MYRIP: variants seen among roughly 807,000 people sequenced by gnomAD.
MYRIP encodes the protein myosin VIIA and Rab interacting protein, also known as rab effector MyRIP.
A neutral mutation model predicts 98.0 loss-of-function variants in MYRIP; 49 were observed. The ratio of observed to expected loss-of-function variants is 0.50; its 90% CI spans 0.40 to 0.63. The LOEUF is 0.63. Among genes scored for constraint, MYRIP ranks in the 30% least tolerant of loss-of-function variants. The probability of loss-of-function intolerance (pLI) is 0.00; values close to 1 mark genes in which losing one functional copy is unlikely to be tolerated. For missense variants in MYRIP, 1,004 were observed against 1,058.2 expected, an observed-to-expected ratio of 0.95 and a Z score of 0.71; for synonymous variants, 404 against 409.5, an observed-to-expected ratio of 0.99 and a Z score of 0.16.
At chr3:40,055,500 A>C (rs904138230) in intron 3 of MYRIP, among the ~76,000 whole-genome samples, 1 of 152,176 alleles carries the variant, frequency 6.6e-6, no homozygotes, top group Non-Finnish European at 1.5e-5. Context: ...ACAGTTGAAC[A>C]GCTTGTCATG....
intron 3 of MYRIP, among the ~76,000 whole-genome samples, chr3:40,080,344 A>G (rs1398168955): frequency 6.6e-6 from 1 of 152,112 alleles, no homozygotes; most frequent in East Asian, 1.9e-4. Context: ...ACCTATGTTC[A>G]CAGGTGAGAT....
At chr3:40,023,608 A>C (rs1240000911) in intron 2 of MYRIP, among the ~76,000 whole-genome samples, 2 of 152,128 alleles carry the variant, frequency 1.3e-5, no homozygotes, top group African/African-American at 4.8e-5. Context: ...TGGAATGTAA[A>C]GCCGAAAAAT....
At chr3:40,081,906 G>A (rs1369879217) in intron 3 of MYRIP, among the ~76,000 whole-genome samples, 1 of 152,134 alleles carries the variant, frequency 6.6e-6, no homozygotes, top group Non-Finnish European at 1.5e-5. Flanking sequence ...TTCCACGTAT[G>A]AGCAAGATCA....
chr3:40,132,719 G>A (rs1559414059), intron 3 of MYRIP, among the ~76,000 whole-genome samples: 1 of 152,248 alleles, frequency 6.6e-6, no homozygotes, highest in Non-Finnish European at 1.5e-5. Context: ...CACCCAGAGG[G>A]TTGCCCCTTT....
chr3:39,848,991 A>G (rs1942050108), intron 1 of MYRIP, among the ~76,000 whole-genome samples: 1 of 152,240 alleles, frequency 6.6e-6, no homozygotes, highest in Non-Finnish European at 1.5e-5. Flanking sequence ...TTTTGAAAGA[A>G]GGGAATTAAT....
intron 3 of MYRIP, among the ~76,000 whole-genome samples, chr3:40,123,444 G>A (rs1437563788): frequency 6.6e-6 from 1 of 152,190 alleles, no homozygotes; most frequent in Non-Finnish European, 1.5e-5. Flanking sequence ...AGCAACTGGA[G>A]CCCGCCAGCC....
At chr3:40,117,911 A>G (rs967327931) in intron 3 of MYRIP, among the ~76,000 whole-genome samples, 9 of 152,232 alleles carry the variant, frequency 5.9e-5, no homozygotes, top group African/African-American at 2.2e-4. Context: ...TCTCTACAGC[A>G]CAAAAATCAC....
chr3:40,181,691 T>C (rs1256268999), intron 8 of MYRIP, among the ~76,000 whole-genome samples: 1 of 152,226 alleles, frequency 6.6e-6, no homozygotes, highest in African/African-American at 2.4e-5. Flanking sequence ...ATATCTATAA[T>C]GCAATTCAAG....
At chr3:40,017,095 A>T (rs1342455000) in intron 2 of MYRIP, among the ~76,000 whole-genome samples, 1 of 152,252 alleles carries the variant, frequency 6.6e-6, no homozygotes, top group African/African-American at 2.4e-5. Flanking sequence ...AAAGCCACTT[A>T]ACAAAATATT....
chr3:39,967,844 G>A (rs975318636), intron 2 of MYRIP, among the ~76,000 whole-genome samples: 1 of 152,136 alleles, frequency 6.6e-6, no homozygotes, highest in Non-Finnish European at 1.5e-5. Context: ...GTGATAGTGA[G>A]CTTTTTATCA....
At chr3:39,946,351 C>T (rs1355185887) in intron 2 of MYRIP, among the ~76,000 whole-genome samples, 1 of 152,110 alleles carries the variant, frequency 6.6e-6, no homozygotes, top group Non-Finnish European at 1.5e-5. Context: ...AACCCTCTAA[C>T]CTGGTGTATG....
chr3:40,036,250 T>G (rs1414921772), intron 2 of MYRIP, among the ~76,000 whole-genome samples: 1 of 133,750 alleles, frequency 7.5e-6, no homozygotes, highest in Non-Finnish European at 1.6e-5. Flanking sequence ...AGTTAGAGTC[T>G]TCTACAAAGG....
chr3:40,182,500 G>C (rs1455424516), intron 9 of MYRIP, 127 bp downstream of exon 9: 1 of 1,097,908 alleles, frequency 9.1e-7, no homozygotes, highest in African/African-American at 1.6e-5. Flanking sequence ...GTCCCTCTGG[G>C]CTACCAAGTC....
At chr3:40,162,921 A>G in intron 5 of MYRIP, 111 bp downstream of exon 5, 3 of 922,828 alleles carry the variant, frequency 3.3e-6, no homozygotes, top group South Asian at 1.5e-5. Context: ...AGATGCAACT[A>G]TCTACTACTG....
At chr3:40,151,414 A>C (rs977424557) in intron 4 of MYRIP, among the ~76,000 whole-genome samples, 1 of 152,252 alleles carries the variant, frequency 6.6e-6, no homozygotes, top group East Asian at 1.9e-4. Flanking sequence ...GTTAGAAGCT[A>C]TGAAGACCAA....
chr3:40,176,922 A>AG (rs1950779571), intron 8 of MYRIP, among the ~76,000 whole-genome samples: 3 of 106,442 alleles, frequency 2.8e-5, no homozygotes, highest in Non-Finnish European at 7.2e-5. Context: ...AAAAAAAAAA[A>AG]AAAGAAAAGA....
intron 3 of MYRIP, among the ~76,000 whole-genome samples, chr3:40,070,885 T>A (rs556612839): frequency 2.0e-4 from 30 of 152,294 alleles, no homozygotes; most frequent in African/African-American, 7.0e-4. Flanking sequence ...CTGAGAGATG[T>A]TGGGCATCTA....
intron 8 of MYRIP, among the ~76,000 whole-genome samples, chr3:40,172,116 C>T (rs1174284641): frequency 6.6e-6 from 1 of 152,230 alleles, no homozygotes; most frequent in Non-Finnish European, 1.5e-5. Context: ...GGGGTGGGGA[C>T]ACAGCCAGAC....
intron 13 of MYRIP, among the ~76,000 whole-genome samples, chr3:40,246,798 C>T (rs1208312079): frequency 1.3e-5 from 2 of 152,088 alleles, no homozygotes; most frequent in African/African-American, 2.4e-5. Flanking sequence ...AATATTTTCA[C>T]TTTATTGAGT....
Sources: allele counts gnomAD v4.1 joint callset (sites outside exome capture counted in the v4.1 genomes callset), GRCh38; gene constraint gnomAD v4.1.1; transcripts MANE v1.5; gene names NCBI Gene and HGNC (gene_info 2026-07-23, HGNC 2026-07-21).